FGF12: variants seen among roughly 807,000 people sequenced by gnomAD.
The protein encoded by FGF12 is fibroblast growth factor 12, also known as fibroblast growth factor 12B.
A neutral mutation model predicts 23.6 loss-of-function variants in FGF12; 14 were observed. The observed-to-expected ratio is 0.59, with a 90% CI of 0.39 to 0.93. The LOEUF is 0.93. Ranked by LOEUF, FGF12 falls within the 40% of genes least tolerant of loss-of-function variation. The pLI, the probability that FGF12 is intolerant of heterozygous loss-of-function variation, is 0.00. For synonymous variants in FGF12, 62 were observed against 77.3 expected, an observed-to-expected ratio of 0.80 and a Z score of 1.04; for missense variants, 175 against 217.8, an observed-to-expected ratio of 0.80 and a Z score of 1.24.
At position 192,514,396 on chromosome 3, in the gene FGF12, GGA is replaced by G. The variant is rs1307357578; in HGVS notation, c.14-153860_14-153859del. On this transcript the variant is annotated intron_variant, in intron 2 of 5. Coordinates refer to ENST00000445105, the MANE Select transcript of FGF12 (RefSeq NM_004113.6). The surrounding 1 kb of genome is among the most constrained non-coding windows in gnomAD (Gnocchi z 4.9). The stretch of plus-strand genomic sequence containing the variant: ...ACGCAGGTCACGGCCAGCGCCGCTT[GGA>G]GAGAGACCCGCAGGTTTCAGCCCAG... Among the ~76,000 whole-genome samples the G allele has an allele frequency of 6.6e-6, 1 of 152,226 alleles. No individual in the cohort carries two copies. The highest frequency in any genetic ancestry group is 6.5e-5 in the Admixed American group (1 of 15,290).
At chr3:192,649,086 G>A (rs1023310177) in intron 2 of FGF12, among the ~76,000 whole-genome samples, 1 of 152,132 alleles carries the variant, frequency 6.6e-6, no homozygotes, top group Non-Finnish European at 1.5e-5. Flanking sequence ...GAAGGCTTTT[G>A]AGTCACCCTA....
intron 2 of FGF12, among the ~76,000 whole-genome samples, chr3:192,389,988 G>A (rs1188098549): frequency 6.6e-6 from 1 of 152,164 alleles, no homozygotes; most frequent in Non-Finnish European, 1.5e-5. Context: ...CTGTCCTGTA[G>A]GCTGACTCAT....
In FGF12 at chr3:192,357,622, C is replaced by A. The variant is rs1718536149; in HGVS notation, c.124+2806G>T. Among the ~76,000 whole-genome samples the A allele has an allele frequency of 2.0e-5, 3 of 151,766 alleles. 1 individual carries two copies. Among genetic ancestry groups the A allele is most frequent in the African/African-American group, 2.4e-5 (1 of 41,314 alleles). ...CTACATATTGACGGAGACGTTCATG[C>A]ACCTAGTCATTCATCATTCACTTTG... is the stretch of plus-strand genomic sequence containing the variant. On this transcript the variant is annotated intron_variant, in intron 3 of 5. Transcript: ENST00000445105.
intron 2 of FGF12, among the ~76,000 whole-genome samples, chr3:192,383,365 A>G (rs1719907856): frequency 6.6e-6 from 1 of 152,082 alleles, no homozygotes; most frequent in South Asian, 2.1e-4. Flanking sequence ...TACCCTTTAT[A>G]ATATTCATGT....
chr3:192,283,741 T>C (rs1331622256), intron 4 of FGF12, among the ~76,000 whole-genome samples: 2 of 152,006 alleles, frequency 1.3e-5, no homozygotes, highest in Non-Finnish European at 2.9e-5. Flanking sequence ...ATGTAAAAAA[T>C]GAATAGGGCT....
intron 2 of FGF12, among the ~76,000 whole-genome samples, chr3:192,588,219 G>A (rs1029004446): frequency 1.3e-5 from 2 of 150,686 alleles, no homozygotes; most frequent in Non-Finnish European, 1.5e-5. Flanking sequence ...GTGTGGTGGC[G>A]GGCTCCTGTA....
intron 4 of FGF12, among the ~76,000 whole-genome samples, chr3:192,246,635 A>G (rs1711583825): frequency 6.6e-6 from 1 of 151,794 alleles, no homozygotes; most frequent in Non-Finnish European, 1.5e-5. Context: ...ACCAGCCTGG[A>G]CAACATGGCG....
chr3:192,374,589 A>G (rs957480391), intron 2 of FGF12, among the ~76,000 whole-genome samples: 12 of 152,232 alleles, frequency 7.9e-5, no homozygotes, highest in Non-Finnish European at 1.6e-4. Flanking sequence ...AACTAATAAT[A>G]ACCTTTTTAA....
chr3:192,614,220 G>C (rs1714662668), intron 2 of FGF12, among the ~76,000 whole-genome samples: 1 of 151,318 alleles, frequency 6.6e-6, no homozygotes, highest in Non-Finnish European at 1.5e-5. Flanking sequence ...TTTTTCCTAA[G>C]GGTCAACATT....
chr3:192,291,045 C>T (rs1331933054), intron 4 of FGF12, among the ~76,000 whole-genome samples: 1 of 151,998 alleles, frequency 6.6e-6, no homozygotes. Context: ...GTCACTATCC[C>T]TTGTTTATTA....
At chr3:192,697,850 G>T (rs1215833327) in intron 2 of FGF12, among the ~76,000 whole-genome samples, 1 of 152,152 alleles carries the variant, frequency 6.6e-6, no homozygotes, top group Admixed American at 6.5e-5. Context: ...ATAGACCATT[G>T]TTTGCTCATT....
intron 2 of FGF12, among the ~76,000 whole-genome samples, chr3:192,527,376 C>T (rs149264366): frequency 1.6e-4 from 24 of 152,282 alleles, no homozygotes; most frequent in Non-Finnish European, 3.1e-4. Flanking sequence ...GACCAACAGA[C>T]AAAGACCTGG....
intron 4 of FGF12, among the ~76,000 whole-genome samples, chr3:192,311,176 T>C (rs910938440): frequency 1.6e-4 from 24 of 152,166 alleles, no homozygotes; most frequent in African/African-American, 5.8e-4. Context: ...AGTTCACTCA[T>C]TCAAAGTGTA....
chr3:192,395,293 T>G (rs1380541339), intron 2 of FGF12, among the ~76,000 whole-genome samples: 4 of 152,116 alleles, frequency 2.6e-5, no homozygotes, highest in African/African-American at 9.7e-5. Flanking sequence ...AAATACTAAG[T>G]ATAAGAAGGG....
chr3:192,167,209 CTAAG>C (rs1715213916), intron 5 of FGF12, among the ~76,000 whole-genome samples: 1 of 150,874 alleles, frequency 6.6e-6, no homozygotes, highest in African/African-American at 2.4e-5. Context: ...TTCTTTACAC[CTAAG>C]TGTGACTACC....
intron 2 of FGF12, among the ~76,000 whole-genome samples, chr3:192,493,004 C>T (rs539630072): frequency 7.4e-5 from 11 of 148,838 alleles, no homozygotes; most frequent in South Asian, 4.2e-4. Context: ...ACCATGTTGG[C>T]CAGGCTCATC....
In FGF12 at chr3:192,586,376, T is replaced by C. The variant is rs182023129; in HGVS notation, c.13+140805A>G. Among the ~76,000 whole-genome samples, 8 of 152,322 alleles carry C rather than the reference T, an allele frequency of 5.3e-5. No individual in the cohort carries two copies. The East Asian group carries it at 1.4e-3, about 26-fold the overall frequency. ...TTACGCAAGTTAATTTCTCTAAACC[T>C]CAATTTCCATATCTATATATGGGCC... On this transcript the variant is annotated intron_variant, in intron 2 of 5. Transcript: ENST00000445105.
At chr3:192,439,557 C>T (rs1722131491) in intron 2 of FGF12, among the ~76,000 whole-genome samples, 1 of 152,130 alleles carries the variant, frequency 6.6e-6, no homozygotes, top group Non-Finnish European at 1.5e-5. Flanking sequence ...CAATGGTGAG[C>T]AAAAGCAGAC....
intron 2 of FGF12, among the ~76,000 whole-genome samples, chr3:192,378,356 C>T (rs1265460905): frequency 3.3e-5 from 5 of 149,990 alleles, no homozygotes; most frequent in Admixed American, 3.3e-4. Flanking sequence ...TGCCATCCAC[C>T]CACCTCAGCC....
Sources: gnomAD v4.1 joint callset for allele counts (sites outside exome capture counted in the v4.1 genomes callset) on GRCh38, gnomAD v4.1.1 for gene constraint, Gnocchi (gnomAD v3.1) non-coding constraint, MANE v1.5 for transcripts, NCBI Gene and HGNC (gene_info 2026-07-23, HGNC 2026-07-21) for gene names.